DPF3: variants seen among roughly 807,000 people sequenced by gnomAD.
DPF3 encodes the protein double PHD fingers 3.
DPF3 carries 18 observed loss-of-function variants against 56.8 expected under a neutral mutation model. The ratio of observed to expected loss-of-function variants is 0.32; its 90% CI spans 0.22 to 0.47. DPF3 has a LOEUF of 0.47. Among genes scored for constraint, DPF3 ranks in the 20% least tolerant of loss-of-function variants. DPF3 has a pLI of 1.00. For missense variants in DPF3, 403 were observed against 488.8 expected (o/e 0.82, Z 1.65); for synonymous variants, 188 against 180.2 (o/e 1.04, Z -0.35).
intron 2 of DPF3, among the ~76,000 whole-genome samples, chr14:72,756,249 A>G (rs1890784186): frequency 6.6e-6 from 1 of 152,236 alleles, no homozygotes; most frequent in South Asian, 2.1e-4. Flanking sequence ...AACTCGAGCT[A>G]CAACATTCCT....
chr14:72,864,756 A>G (rs958445176), intron 1 of DPF3, among the ~76,000 whole-genome samples: 1 of 152,188 alleles, frequency 6.6e-6, no homozygotes, highest in Non-Finnish European at 1.5e-5. Context: ...AAAGAAACTG[A>G]ACTGTGCAAT....
At position 72,767,626 on chromosome 14, in the gene DPF3, C is replaced by T. The variant is rs78474979; in HGVS notation, c.193+4107G>A. Among the ~76,000 whole-genome samples, 58 of 152,054 alleles carry T rather than the reference C, an allele frequency of 3.8e-4. No individual in the cohort carries two copies. In the East Asian group the frequency reaches 0.01, roughly 27 times the overall value. On this transcript the variant is annotated intron_variant, in intron 2 of 10. Transcript: ENST00000556509. Reference sequence around the variant, plus strand: ...GAAGAATTTTAAAAATAAATGAACACAGCCTCAGGGACTTATGGGACTATA... The same window carrying T: ...GAAGAATTTTAAAAATAAATGAACATAGCCTCAGGGACTTATGGGACTATA...
intron 1 of DPF3, among the ~76,000 whole-genome samples, chr14:72,833,524 T>C (rs1884151960): frequency 6.6e-6 from 1 of 151,666 alleles, no homozygotes; most frequent in South Asian, 2.1e-4. Context: ...AGCCAGAGAA[T>C]TGGGGGCAAA....
At chr14:72,811,821 G>T (rs1200670239) in intron 1 of DPF3, among the ~76,000 whole-genome samples, 1 of 152,060 alleles carries the variant, frequency 6.6e-6, no homozygotes, top group Non-Finnish European at 1.5e-5. Flanking sequence ...GAGATGGGAA[G>T]GGCAAGCTGT....
intron 8 of DPF3, among the ~76,000 whole-genome samples, chr14:72,667,472 G>A (rs1329363525): frequency 6.6e-6 from 1 of 152,156 alleles, no homozygotes; most frequent in Middle Eastern, 3.2e-3. Context: ...CTGAGCTGAG[G>A]GCAAAGGAAG....
At chr14:72,625,341 AT>A (rs759409974) in intron 9 of DPF3, among the ~76,000 whole-genome samples, 1 of 151,968 alleles carries the variant, frequency 6.6e-6, no homozygotes, top group East Asian at 1.9e-4. Flanking sequence ...TAATGTCATT[AT>A]TTTTTTGCTC....
chr14:72,750,908 C>T (rs1890546506), intron 3 of DPF3, among the ~76,000 whole-genome samples: 1 of 150,292 alleles, frequency 6.7e-6, no homozygotes, highest in African/African-American at 2.4e-5. Flanking sequence ...AAATATGTGA[C>T]TGCCAGGCAC....
intron 1 of DPF3, among the ~76,000 whole-genome samples, chr14:72,838,583 A>AC (rs775453288): frequency 1.2e-4 from 18 of 152,054 alleles, no homozygotes; most frequent in Middle Eastern, 6.8e-3. Flanking sequence ...GTGGCCAGGC[A>AC]CAGTAACTCA....
chr14:72,768,594 T>C (rs150915840), intron 2 of DPF3, among the ~76,000 whole-genome samples: 1,657 of 152,300 alleles, frequency 0.011, 29 homozygotes, highest in African/African-American at 0.038. Flanking sequence ...CAACTGCAAA[T>C]TGCAAATACA....
At chr14:72,668,427 T>C (rs1816234373) in intron 8 of DPF3, among the ~76,000 whole-genome samples, 1 of 152,236 alleles carries the variant, frequency 6.6e-6, no homozygotes, top group African/African-American at 2.4e-5. Flanking sequence ...CTGGCCATGC[T>C]AAGAAACCTT....
In DPF3 at chr14:72,838,908, C is replaced by CTTTTTTTTTTTTTTTTTTT. The variant is rs376458640; in HGVS notation, c.32+55130_32+55148dup. 1.5e-4 allele frequency among the ~76,000 whole-genome samples: 12 copies of CTTTTTTTTTTTTTTTTTTT among 78,586 alleles called. 2 individuals are homozygous for CTTTTTTTTTTTTTTTTTTT. Among genetic ancestry groups the CTTTTTTTTTTTTTTTTTTT allele is most frequent in the African/African-American group, 7.6e-4 (11 of 14,410 alleles). The allele number at this position is 78,586 out of a possible 152,430, so 51.6% of individuals were successfully genotyped here. A position where few individuals can be genotyped will look rare whatever the true frequency, so the allele number is the denominator to read the frequency against. On this transcript the variant is annotated intron_variant, in intron 1 of 10. Coordinates refer to ENST00000556509, the MANE Select transcript of DPF3 (RefSeq NM_001280542.3). ...TATCATATATATTATCATATATATT[C>CTTTTTTTTTTTTTTTTTTT]TTTTTTTTTTTTTTTTTTTTTTTTT...
At chr14:72,647,971 T>G (rs1168919142) in intron 8 of DPF3, among the ~76,000 whole-genome samples, 1 of 152,186 alleles carries the variant, frequency 6.6e-6, no homozygotes, top group Admixed American at 6.5e-5. Flanking sequence ...GCACCTATCT[T>G]AGATTCCACA....
chr14:72,694,658 A>C (rs1434653839), intron 6 of DPF3, among the ~76,000 whole-genome samples: 1 of 152,264 alleles, frequency 6.6e-6, no homozygotes, highest in Non-Finnish European at 1.5e-5. Flanking sequence ...AAACTATTTT[A>C]TCTTAGCTTA....
chr14:72,891,513 T>G (rs1886752871), intron 1 of DPF3, among the ~76,000 whole-genome samples: 2 of 152,248 alleles, frequency 1.3e-5, no homozygotes, highest in South Asian at 4.2e-4. Flanking sequence ...TTCTAATTTA[T>G]CCCATGCATA....
intron 3 of DPF3, among the ~76,000 whole-genome samples, chr14:72,734,101 G>C (rs926999944): frequency 3.3e-5 from 5 of 152,144 alleles, no homozygotes; most frequent in African/African-American, 1.2e-4. Flanking sequence ...CACTGTGCTG[G>C]GACTAGGGAC....
intron 2 of DPF3, among the ~76,000 whole-genome samples, chr14:72,760,298 C>T (rs1891016966): frequency 6.6e-6 from 1 of 152,104 alleles, no homozygotes; most frequent in South Asian, 2.1e-4. Flanking sequence ...TGGAGAAACC[C>T]CATCTCGACT....
At chr14:72,653,671 A>G (rs1052825683) in intron 8 of DPF3, among the ~76,000 whole-genome samples, 3 of 152,162 alleles carry the variant, frequency 2.0e-5, no homozygotes, top group Admixed American at 6.5e-5. Flanking sequence ...ACAATCATAG[A>G]TTTTGATCCC....
chr14:72,788,267 A>G (rs1195210697), intron 1 of DPF3, among the ~76,000 whole-genome samples: 2 of 151,958 alleles, frequency 1.3e-5, no homozygotes, highest in African/African-American at 2.4e-5. Flanking sequence ...GGAGGACTAC[A>G]CTGTGTCCTG....
intron 1 of DPF3, among the ~76,000 whole-genome samples, chr14:72,872,162 G>A (rs1197637457): frequency 6.6e-6 from 1 of 152,156 alleles, no homozygotes. Flanking sequence ...GGCCCCTGGA[G>A]CATCTGGGAC....
Sources: gnomAD v4.1 joint callset for allele counts (sites outside exome capture counted in the v4.1 genomes callset) on GRCh38, gnomAD v4.1.1 for gene constraint, MANE v1.5 for transcripts, NCBI Gene and HGNC (gene_info 2026-07-23, HGNC 2026-07-21) for gene names.